COMMD7: variants seen among roughly 807,000 people sequenced by gnomAD.
COMMD7 encodes COMM domain-containing protein 7.
In COMMD7, 28 loss-of-function variants were observed where a neutral mutation model predicts 34.8. The ratio of observed to expected loss-of-function variants is 0.80; its 90% CI spans 0.60 to 1.10. COMMD7 has a LOEUF of 1.10. Ranked by LOEUF, COMMD7 falls within the 50% of genes least tolerant of loss-of-function variation. The pLI, the probability that COMMD7 is intolerant of heterozygous loss-of-function variation, is 0.00. For missense variants in COMMD7, 211 were observed against 241.6 expected (o/e 0.87, Z 0.84); for synonymous variants, 80 against 86.4 (o/e 0.93, Z 0.41).
At chr20:32,716,824 G>A (rs1428792150) in intron 3 of COMMD7, among the ~76,000 whole-genome samples, 3 of 151,538 alleles carry the variant, frequency 2.0e-5, no homozygotes, top group Non-Finnish European at 4.4e-5. Flanking sequence ...CCATGGGTGG[G>A]GTCCACATGA....
intron 3 of COMMD7, among the ~76,000 whole-genome samples, chr20:32,721,191 G>T (rs1427528051): frequency 1.3e-5 from 2 of 152,308 alleles, no homozygotes; most frequent in East Asian, 3.9e-4. Flanking sequence ...ACAGTGGGGG[G>T]CCAAGTGCGG....
chr20:32,743,257 GA>G, intron 1 of COMMD7, 50 bp downstream of exon 1: 1 of 802,122 alleles, frequency 1.2e-6, no homozygotes, highest in Non-Finnish European at 1.9e-6. Context: ...CCCAGGCCCG[GA>G]TCCTGGAATC....
Position 32,739,331 on chromosome 20 carries a change from T to G in COMMD7, c.84+3977A>C, listed in dbSNP as rs187519244. On this transcript the variant is annotated intron_variant, in intron 1 of 8. Transcript: ENST00000278980. ...TAATAACAGCAACTACCTATAAAAG[T>G]GATTGCAAGGACTCAATTAGTTAAC... Among the ~76,000 whole-genome samples the G allele has an allele frequency of 2.6e-5, 4 of 152,158 alleles. No homozygotes were observed. In the East Asian group the frequency reaches 7.8e-4, roughly 29 times the overall value.
At chr20:32,740,498 T>C (rs1344669160) in intron 1 of COMMD7, among the ~76,000 whole-genome samples, 2 of 151,442 alleles carry the variant, frequency 1.3e-5, no homozygotes, top group Non-Finnish European at 2.9e-5. Context: ...TGATGGACCA[T>C]ATATAAAATG....
intron 8 of COMMD7, 85 bp downstream of exon 8, chr20:32,703,938 A>G (rs762971059): frequency 5.0e-6 from 8 of 1,603,316 alleles, no homozygotes; most frequent in Non-Finnish European, 5.1e-6. Flanking sequence ...TTTATAGAAG[A>G]CATGATTTGT....
chr20:32,725,524 G>A (rs1985458198), intron 3 of COMMD7, among the ~76,000 whole-genome samples: 2 of 149,990 alleles, frequency 1.3e-5, no homozygotes, highest in South Asian at 4.2e-4. Flanking sequence ...CGCCTCCCGG[G>A]ATCACGCCAT....
chr20:32,710,826 C>T (rs1398626677), intron 3 of COMMD7, among the ~76,000 whole-genome samples: 1 of 151,938 alleles, frequency 6.6e-6, no homozygotes, highest in Non-Finnish European at 1.5e-5. Flanking sequence ...CACCTATAAT[C>T]CCAGCACTTT....
chr20:32,739,659 A>AAAAAAAAAAAAAAC, intron 1 of COMMD7, among the ~76,000 whole-genome samples: 1 of 136,608 alleles, frequency 7.3e-6, no homozygotes, highest in Non-Finnish European at 1.6e-5. Flanking sequence ...AAAAAAAAAA[A>AAAAAAAAAAAAAAC]AAAAATACAT....
intron 5 of COMMD7, among the ~76,000 whole-genome samples, chr20:32,706,305 AG>A (rs1167194088): frequency 3.9e-5 from 6 of 151,948 alleles, no homozygotes; most frequent in African/African-American, 1.4e-4. Context: ...CAATGTCAGG[AG>A]TTCGAGACCA....
chr20:32,720,214 G>A (rs946744934), intron 3 of COMMD7, among the ~76,000 whole-genome samples: 5 of 152,148 alleles, frequency 3.3e-5, no homozygotes, highest in South Asian at 2.1e-4. Context: ...TCTGCTATAC[G>A]CCGGGCACAG....
At chr20:32,716,397 C>T (rs958106356) in intron 3 of COMMD7, among the ~76,000 whole-genome samples, 4 of 152,034 alleles carry the variant, frequency 2.6e-5, no homozygotes, top group African/African-American at 7.2e-5. Context: ...GGGCGGATCA[C>T]GAGGTCAGGA....
intron 1 of COMMD7, among the ~76,000 whole-genome samples, chr20:32,739,209 G>A (rs528393851): frequency 2.6e-5 from 4 of 152,228 alleles, no homozygotes; most frequent in African/African-American, 9.6e-5. Context: ...GCTCATGCCT[G>A]TAATTCCATC....
intron 1 of COMMD7, among the ~76,000 whole-genome samples, chr20:32,730,368 A>G (rs1985767506): frequency 6.6e-6 from 1 of 151,962 alleles, no homozygotes; most frequent in African/African-American, 2.4e-5. Flanking sequence ...CAGCCTGACC[A>G]ACATGGTGAA....
chr20:32,705,962 G>T (rs1984051488), intron 5 of COMMD7, among the ~76,000 whole-genome samples: 1 of 152,094 alleles, frequency 6.6e-6, no homozygotes, highest in African/African-American at 2.4e-5. Flanking sequence ...ACTTTCAGAG[G>T]CTGAGGCAGG....
At chr20:32,739,124 T>C (rs1331203301) in intron 1 of COMMD7, among the ~76,000 whole-genome samples, 1 of 152,190 alleles carries the variant, frequency 6.6e-6, no homozygotes, top group Non-Finnish European at 1.5e-5. Context: ...ATAATAGCTA[T>C]GTTCATTTCA....
At chr20:32,711,962 A>T (rs34690591) in intron 3 of COMMD7, among the ~76,000 whole-genome samples, 23,933 of 151,448 alleles carry the variant, frequency 0.16, 2,170 homozygotes, top group East Asian at 0.4. Flanking sequence ...AGGCGGGTGG[A>T]TCACAAGGTC....
chr20:32,709,537 G>A (rs1052228583), intron 3 of COMMD7, among the ~76,000 whole-genome samples: 3 of 152,200 alleles, frequency 2.0e-5, no homozygotes, highest in African/African-American at 2.4e-5. Flanking sequence ...GCGACAGAGC[G>A]AGACTCCGTC....
intron 1 of COMMD7, among the ~76,000 whole-genome samples, chr20:32,734,155 T>G (rs1377178589): frequency 1.4e-5 from 2 of 138,324 alleles, no homozygotes; most frequent in Non-Finnish European, 1.5e-5. Flanking sequence ...CACTCCAGCC[T>G]GGGCAACAGA....
chr20:32,740,424 A>G (rs1003068132), intron 1 of COMMD7, among the ~76,000 whole-genome samples: 1 of 152,302 alleles, frequency 6.6e-6, no homozygotes, highest in Non-Finnish European at 1.5e-5. Context: ...ATATTTGTAT[A>G]TGGGTAAGAT....
Sources: allele counts gnomAD v4.1 joint callset (sites outside exome capture counted in the v4.1 genomes callset), GRCh38; gene constraint gnomAD v4.1.1; transcripts MANE v1.5; gene names NCBI Gene and HGNC (gene_info 2026-07-23, HGNC 2026-07-21).